PTPRT: variants seen among roughly 807,000 people sequenced by gnomAD.
The protein encoded by PTPRT is receptor-type tyrosine-protein phosphatase T.
A neutral mutation model predicts 176.8 loss-of-function variants in PTPRT; 56 were observed. The observed-to-expected ratio is 0.32, with a 90% CI of 0.26 to 0.40. The LOEUF (loss-of-function observed/expected upper bound fraction) is 0.40. PTPRT is among the 10% of genes least tolerant of loss of function. The pLI is 1.00. For missense variants in PTPRT, 1,540 were observed against 1,908.2 expected, an observed-to-expected ratio of 0.81 and a Z score of 3.60; for synonymous variants, 783 against 739.0, an observed-to-expected ratio of 1.06 and a Z score of -0.96.
intron 9 of PTPRT, among the ~76,000 whole-genome samples, chr20:42,426,038 A>C (rs1236261964): frequency 6.6e-6 from 1 of 152,138 alleles, no homozygotes; most frequent in African/African-American, 2.4e-5. Context: ...AAAGAGCTGT[A>C]TGGTTCGTGA....
chr20:42,952,442 G>A (rs1015137687), intron 1 of PTPRT, among the ~76,000 whole-genome samples: 5 of 152,200 alleles, frequency 3.3e-5, no homozygotes, highest in African/African-American at 1.2e-4. Flanking sequence ...ACAAAAAGCA[G>A]GGACACTGGA....
intron 1 of PTPRT, among the ~76,000 whole-genome samples, chr20:42,929,022 G>A (rs1475358961): frequency 1.3e-5 from 2 of 152,160 alleles, no homozygotes. Flanking sequence ...TTTCTTTTTG[G>A]CTTTGCCCAT....
At chr20:42,081,411 G>A (rs1206069029) in intron 30 of PTPRT, among the ~76,000 whole-genome samples, 7 of 152,156 alleles carry the variant, frequency 4.6e-5, no homozygotes, top group Non-Finnish European at 7.3e-5. Context: ...CTCGTGCATG[G>A]TGCGGTGGTC....
intron 1 of PTPRT, among the ~76,000 whole-genome samples, chr20:43,051,625 T>TAAAAAA (rs35885799): frequency 0.034 from 3,096 of 91,714 alleles, 227 homozygotes; most frequent in African/African-American, 0.056. Flanking sequence ...TCTGTAACTG[T>TAAAAAA]AAAAAAAAAA....
intron 1 of PTPRT, among the ~76,000 whole-genome samples, chr20:43,074,568 G>A (rs1435533781): frequency 6.6e-6 from 1 of 152,194 alleles, no homozygotes; most frequent in East Asian, 1.9e-4. Flanking sequence ...TAGGTTCTGA[G>A]AAGTTATGTG....
chr20:42,592,197 G>C (rs913728136), intron 7 of PTPRT, among the ~76,000 whole-genome samples: 2 of 149,964 alleles, frequency 1.3e-5, no homozygotes, highest in African/African-American at 4.9e-5. Context: ...GGATGTTCTC[G>C]ATCTCCTGAC....
chr20:42,587,003 G>T (rs568592651), intron 7 of PTPRT, among the ~76,000 whole-genome samples: 2 of 152,200 alleles, frequency 1.3e-5, no homozygotes, highest in South Asian at 2.1e-4. Flanking sequence ...CACTGGCTGG[G>T]TCCCTGTAAG....
chr20:42,329,159 T>A (rs996955062), intron 11 of PTPRT, among the ~76,000 whole-genome samples: 10 of 152,176 alleles, frequency 6.6e-5, no homozygotes, highest in African/African-American at 2.4e-4. Flanking sequence ...AAGACTCAGA[T>A]GAATAGATAG....
At chr20:43,030,778 G>A (rs1043967389) in intron 1 of PTPRT, among the ~76,000 whole-genome samples, 1 of 151,996 alleles carries the variant, frequency 6.6e-6, no homozygotes, top group Admixed American at 6.6e-5. Flanking sequence ...CTGGGTTTGG[G>A]AATCACAAAA....
chr20:43,145,426 G>A (rs944076614), intron 1 of PTPRT, among the ~76,000 whole-genome samples: 4 of 152,104 alleles, frequency 2.6e-5, no homozygotes. Flanking sequence ...AAATGGCATA[G>A]GCTTCTTAAG....
chr20:42,399,292 T>C (rs1346331020), intron 9 of PTPRT, among the ~76,000 whole-genome samples: 2 of 152,242 alleles, frequency 1.3e-5, no homozygotes, highest in African/African-American at 4.8e-5. Flanking sequence ...ACTTTATGCA[T>C]TGTAACAGAT....
chr20:43,115,640 C>T (rs957690696), intron 1 of PTPRT, among the ~76,000 whole-genome samples: 1 of 152,148 alleles, frequency 6.6e-6, no homozygotes, highest in Non-Finnish European at 1.5e-5. Context: ...CCACAGTACA[C>T]AGAACAGCGC....
At chr20:42,984,213 G>C (rs1463973122) in intron 1 of PTPRT, among the ~76,000 whole-genome samples, 1 of 152,174 alleles carries the variant, frequency 6.6e-6, no homozygotes. Context: ...CAGGCTCACA[G>C]ACACATACAT....
intron 7 of PTPRT, among the ~76,000 whole-genome samples, chr20:42,660,140 A>C (rs1001508240): frequency 2.6e-5 from 4 of 152,218 alleles, no homozygotes; most frequent in Non-Finnish European, 5.9e-5. Context: ...AGGCTATGCA[A>C]GAGCAGGTGG....
intron 7 of PTPRT, among the ~76,000 whole-genome samples, chr20:42,576,801 T>C (rs372979330): frequency 5.4e-4 from 83 of 152,356 alleles, no homozygotes; most frequent in African/African-American, 1.9e-3. Flanking sequence ...TGATTATTCA[T>C]TTATTAATTT....
chr20:42,984,834 T>A (rs1025168801), intron 1 of PTPRT, among the ~76,000 whole-genome samples: 2 of 152,166 alleles, frequency 1.3e-5, no homozygotes, highest in Non-Finnish European at 2.9e-5. Flanking sequence ...CAAGAAAGAC[T>A]CAAGACCTAG....
At chr20:42,401,817 G>A (rs1355009405) in intron 9 of PTPRT, among the ~76,000 whole-genome samples, 1 of 152,194 alleles carries the variant, frequency 6.6e-6, no homozygotes, top group East Asian at 1.9e-4. Flanking sequence ...CAGATCACTG[G>A]AACAAGCCTA....
intron 1 of PTPRT, among the ~76,000 whole-genome samples, chr20:43,148,110 C>G (rs1391797973): frequency 6.6e-6 from 1 of 152,170 alleles, no homozygotes; most frequent in East Asian, 1.9e-4. Flanking sequence ...ATACCCTGGG[C>G]TGGTTGGGTG....
At chr20:43,156,982 T>A (rs114501184) in intron 1 of PTPRT, among the ~76,000 whole-genome samples, 3,254 of 152,134 alleles carry the variant, frequency 0.021, 130 homozygotes, top group African/African-American at 0.074. Flanking sequence ...TGCCCCTTCA[T>A]CCATGCATTC....
Sources: allele counts gnomAD v4.1 joint callset (sites outside exome capture counted in the v4.1 genomes callset), GRCh38; gene constraint gnomAD v4.1.1; transcripts MANE v1.5; gene names NCBI Gene and HGNC (gene_info 2026-07-23, HGNC 2026-07-21).